WDR64: variants seen among roughly 807,000 people sequenced by gnomAD.
WDR64 encodes the protein WD repeat-containing protein 64.
In WDR64, 112 loss-of-function variants were observed where a neutral mutation model predicts 139.3. The observed-to-expected ratio is 0.80, with a 90% confidence interval of 0.69 to 0.94. WDR64 has a LOEUF of 0.94. Ranked by LOEUF, WDR64 falls within the 40% of genes least tolerant of loss-of-function variation. WDR64 has a pLI of 0.00. For synonymous variants in WDR64, 444 were observed against 437.7 expected, an observed-to-expected ratio of 1.01 and a Z score of -0.18; for missense variants, 1,206 against 1,293.1, an observed-to-expected ratio of 0.93 and a Z score of 1.03.
At chr1:241,793,105 T>A (rs115266478) in intron 25 of WDR64, among the ~76,000 whole-genome samples, 1 of 152,342 alleles carries the variant, frequency 6.6e-6, no homozygotes, top group African/African-American at 2.4e-5. Flanking sequence ...AAGCAACTAT[T>A]GAATGAGAAC....
At chr1:241,770,771 C>T (rs898165623) in intron 18 of WDR64, 81 bp downstream of exon 18, 1 of 1,292,008 alleles carries the variant, frequency 7.7e-7, no homozygotes, top group Admixed American at 2.3e-5. Context: ...CACATTTGAG[C>T]CCCTCCTTTG....
intron 23 of WDR64, among the ~76,000 whole-genome samples, chr1:241,787,227 G>A (rs1449185447): frequency 6.6e-6 from 1 of 151,696 alleles, no homozygotes; most frequent in African/African-American, 2.4e-5. Context: ...AGCTGGGCAT[G>A]GTGGTGGACG....
At position 241,769,264 on chromosome 1, in the gene WDR64, A is replaced by G. The variant is rs957596280; in HGVS notation, c.2082-140A>G. ...GCTAAAAAAGCTATGTTCAAACTCT[A>G]CTTCCTTGCATTTTCTTTTCATGTT... On this transcript the variant is annotated intron_variant, in intron 16 of 27. Coordinates refer to ENST00000437684, the MANE Select transcript of WDR64 (RefSeq NM_001367482.1). 36 of 673,782 alleles carry G rather than the reference A, an allele frequency of 5.3e-5. No homozygotes were observed. In the Middle Eastern group the frequency reaches 7.7e-4, roughly 14 times the overall value. 41.7% of individuals were successfully genotyped at this position (673,782 alleles called of 1,614,324 possible).
intron 9 of WDR64, among the ~76,000 whole-genome samples, chr1:241,720,833 C>T (rs997644518): frequency 6.6e-6 from 1 of 152,078 alleles, no homozygotes; most frequent in African/African-American, 2.4e-5. Context: ...CTTTTGTTGC[C>T]ATTGCCTTTG....
chr1:241,768,839 G>A (rs749748409), intron 16 of WDR64, among the ~76,000 whole-genome samples: 1 of 152,184 alleles, frequency 6.6e-6, no homozygotes, highest in Non-Finnish European at 1.5e-5. Context: ...CAGGAGACTG[G>A]AGCAGCAAGA....
chr1:241,719,299 C>T (rs979994055), intron 9 of WDR64, among the ~76,000 whole-genome samples: 1 of 152,106 alleles, frequency 6.6e-6, no homozygotes. Flanking sequence ...TGAATTCTTA[C>T]TATAGATTAT....
intron 10 of WDR64, among the ~76,000 whole-genome samples, chr1:241,734,652 A>G (rs1431767516): frequency 6.6e-6 from 1 of 152,216 alleles, no homozygotes; most frequent in African/African-American, 2.4e-5. Flanking sequence ...ACATTGGGAA[A>G]AAAAAGAGTC....
At chr1:241,725,978 T>C (rs1668817635) in intron 10 of WDR64, among the ~76,000 whole-genome samples, 1 of 152,098 alleles carries the variant, frequency 6.6e-6, no homozygotes, top group African/African-American at 2.4e-5. Flanking sequence ...GCCTCCCCAG[T>C]AGCTGGGACT....
At chr1:241,684,119 G>C (rs1230340774) in intron 7 of WDR64, among the ~76,000 whole-genome samples, 1 of 152,132 alleles carries the variant, frequency 6.6e-6, no homozygotes, top group Non-Finnish European at 1.5e-5. Context: ...CAAAGAAAAA[G>C]TTTGATAGAT....
intron 8 of WDR64, among the ~76,000 whole-genome samples, chr1:241,704,075 T>A (rs1667842453): frequency 6.6e-6 from 1 of 152,176 alleles, no homozygotes; most frequent in African/African-American, 2.4e-5. Flanking sequence ...ATCTACATTT[T>A]ATCTTGTTAT....
chr1:241,745,501 C>T (rs893577170), intron 13 of WDR64, among the ~76,000 whole-genome samples: 2 of 151,084 alleles, frequency 1.3e-5, no homozygotes, highest in Non-Finnish European at 2.9e-5. Flanking sequence ...ATATGACTGA[C>T]AATAGTATTG....
chr1:241,765,021 C>CA (rs1028887266), intron 15 of WDR64, among the ~76,000 whole-genome samples: 1 of 151,450 alleles, frequency 6.6e-6, no homozygotes, highest in Non-Finnish European at 1.5e-5. Context: ...CTTGTCTCTA[C>CA]AAAAAAAATC....
intron 25 of WDR64, 108 bp from the exon 26 acceptor site, chr1:241,795,099 C>CTTGT (rs61386497): frequency 0.22 from 199,960 of 892,850 alleles, 24,915 homozygotes; most frequent in East Asian, 0.44. Context: ...AGGGAAGTCC[C>CTTGT]TTAAGATCAC....
chr1:241,798,914 G>T (rs1478000709), intron 27 of WDR64, among the ~76,000 whole-genome samples: 1 of 152,080 alleles, frequency 6.6e-6, no homozygotes, highest in African/African-American at 2.4e-5. Flanking sequence ...ACATGAGTTT[G>T]TATTTCCTTT....
chr1:241,674,781 C>T (rs200313586), intron 4 of WDR64, 34 bp downstream of exon 4: 1 of 1,295,192 alleles, frequency 7.7e-7, no homozygotes, highest in Non-Finnish European at 1.1e-6. Flanking sequence ...CTGAATGACT[C>T]ATTTTACAAT....
intron 13 of WDR64, 139 bp downstream of exon 13, chr1:241,744,655 C>G: frequency 9.0e-7 from 1 of 1,108,252 alleles, no homozygotes; most frequent in Non-Finnish European, 1.3e-6. Context: ...ATTCCTGTGC[C>G]TGGGTGAATA....
intron 8 of WDR64, among the ~76,000 whole-genome samples, chr1:241,694,328 G>A (rs1574014849): frequency 2.0e-5 from 3 of 152,002 alleles, no homozygotes; most frequent in Admixed American, 1.3e-4. Context: ...TAGAAAGGAC[G>A]AAATGTTTAT....
intron 8 of WDR64, among the ~76,000 whole-genome samples, chr1:241,700,234 T>A (rs1667659926): frequency 6.7e-6 from 1 of 149,934 alleles, no homozygotes; most frequent in African/African-American, 2.5e-5. Flanking sequence ...TTCCTCCCTC[T>A]CCTTTATTCT....
chr1:241,674,259 T>TC (rs1443027357), intron 3 of WDR64, among the ~76,000 whole-genome samples: 4 of 136,956 alleles, frequency 2.9e-5, no homozygotes, highest in East Asian at 4.1e-4. Flanking sequence ...TTTTTTTCTT[T>TC]TCTTTTTTTT....
Sources: allele counts gnomAD v4.1 joint callset (sites outside exome capture counted in the v4.1 genomes callset), GRCh38; gene constraint gnomAD v4.1.1; transcripts MANE v1.5; gene names NCBI Gene and HGNC (gene_info 2026-07-23, HGNC 2026-07-21).